The following RSPH6A variants were observed in gnomAD, a reference collection of about 807,000 sequenced individuals.
The protein encoded by RSPH6A is radial spoke head 6 homolog A, also known as radial spoke head protein 6 homolog A.
In RSPH6A, 49 loss-of-function variants were observed where a neutral mutation model predicts 66.1. That is an observed-to-expected ratio of 0.74 (90% CI 0.59 to 0.94). The LOEUF (loss-of-function observed/expected upper bound fraction) is 0.94. Ranked by LOEUF, RSPH6A falls within the 40% of genes least tolerant of loss-of-function variation. The pLI, the probability that RSPH6A is intolerant of heterozygous loss-of-function variation, is 0.00. For missense variants in RSPH6A, 977 were observed against 948.3 expected (o/e 1.03, Z -0.40); for synonymous variants, 419 against 402.4 (o/e 1.04, Z -0.49).
At chr19:45,797,580 C>A (rs1970421636) in intron 5 of RSPH6A, among the ~76,000 whole-genome samples, 1 of 151,494 alleles carries the variant, frequency 6.6e-6, no homozygotes, top group Non-Finnish European at 1.5e-5. Context: ...AGTAAACAAA[C>A]TAGACAAAAC....
chr19:45,806,836 CA>C (rs1197251136), intron 2 of RSPH6A, among the ~76,000 whole-genome samples: 1 of 151,962 alleles, frequency 6.6e-6, no homozygotes, highest in Non-Finnish European at 1.5e-5. Context: ...CATGTGGCCA[CA>C]AGGCTGTCCC....
At chr19:45,802,785 G>A (rs1663859562) in intron 3 of RSPH6A, among the ~76,000 whole-genome samples, 1 of 150,192 alleles carries the variant, frequency 6.7e-6, no homozygotes, top group African/African-American at 2.5e-5. Context: ...GGGATTACAG[G>A]TGCGAGCCAT....
At chr19:45,813,183 C>G (rs1970650439) in intron 1 of RSPH6A, among the ~76,000 whole-genome samples, 1 of 152,086 alleles carries the variant, frequency 6.6e-6, no homozygotes, top group African/African-American at 2.4e-5. Context: ...ACACACCAGC[C>G]CCTCCTTACT....
At chr19:45,800,420 C>T (rs1970455696) in intron 5 of RSPH6A, 26 bp downstream of exon 5, 2 of 1,596,942 alleles carry the variant, frequency 1.3e-6, no homozygotes, top group South Asian at 1.1e-5. Flanking sequence ...GATTCTCCTG[C>T]TGGGAGGGGC....
intron 1 of RSPH6A, 75 bp from the exon 2 acceptor site, chr19:45,810,915 G>T: frequency 1.6e-6 from 2 of 1,276,516 alleles, no homozygotes; most frequent in Non-Finnish European, 2.2e-6. Context: ...CATGTGCCTG[G>T]CCCTGTGCCT....
chr19:45,801,068 G>A (rs1970468595), intron 4 of RSPH6A, among the ~76,000 whole-genome samples: 2 of 152,162 alleles, frequency 1.3e-5, no homozygotes, highest in Non-Finnish European at 2.9e-5. Flanking sequence ...AAAGTGCTGG[G>A]ATTACAGGCG....
At chr19:45,799,253 C>T (rs1685643098) in intron 5 of RSPH6A, among the ~76,000 whole-genome samples, 1 of 144,972 alleles carries the variant, frequency 6.9e-6, no homozygotes, top group Non-Finnish European at 1.5e-5. Context: ...GCGGCAAACC[C>T]CCTGTCACGC....
chr19:45,809,903 G>C (rs1207919929), intron 2 of RSPH6A, among the ~76,000 whole-genome samples: 1 of 152,182 alleles, frequency 6.6e-6, no homozygotes, highest in Non-Finnish European at 1.5e-5. Flanking sequence ...TGCCTTGACA[G>C]AAAAAGAAAC....
chr19:45,801,437 A>G lies in RSPH6A; in HGVS notation c.1798+683T>C, dbSNP rs141896602. ...TTCCCTCCGGGTGCCTGAGGCCCCA[A>G]CCTTAAAAAATTCCTGTCCATTCAT... On this transcript the variant is annotated intron_variant, in intron 4 of 5. Transcript: ENST00000221538. Among the ~76,000 whole-genome samples, 427 of 152,186 alleles carry G rather than the reference A, an allele frequency of 2.8e-3. 1 individual carries two copies. Among genetic ancestry groups the G allele is most frequent in the African/African-American group, 9.5e-3 (395 of 41,532 alleles).
chr19:45,804,836 C>G lies in RSPH6A; in HGVS notation c.1069G>C (p.Val357Leu), dbSNP rs1654150593. 9.9e-6 allele frequency: 16 copies of G among 1,614,186 alleles called. No individual in the cohort carries two copies. The highest frequency in any genetic ancestry group is 1.3e-5 in the Non-Finnish European group (15 of 1,180,022). The change falls in exon 3 of 6, where the codon GTG (valine) becomes CTG (leucine). Residue 357 changes from valine to leucine, a missense_variant. Val to Leu is a conservative substitution (Grantham distance 32, BLOSUM62 1). Transcript: ENST00000221538. The surrounding 1 kb of genome is among the most constrained non-coding windows in gnomAD (Gnocchi z 5.8). ...KILGIKRSYL[V>L]AEVEFREGEE... is the part of the protein sequence containing the mutation. ...CCCTCCCGGAATTCCACCTCGGCCA[C>G]CAGGTAGCTGCGTTTGATTCCCAGG...
In RSPH6A at chr19:45,796,030, T is replaced by C. The variant is rs753513198; in HGVS notation, c.1993A>G (p.Ile665Val). 3.1e-6 allele frequency: 5 copies of C among 1,613,602 alleles called. No homozygotes were observed. The Admixed American group carries it at 8.3e-5, about 27-fold the overall frequency. Residue 665 changes from isoleucine to valine, a missense_variant, in exon 6 of 6, where the codon ATT becomes GTT. By Grantham distance (29) the Ile-to-Val change is conservative (BLOSUM62 3). Transcript: ENST00000221538. ...ESFNPALPAP[I>V]QQEYPSGPEI... The stretch of plus-strand genomic sequence containing the variant: ...GGGCCACTGGGGTACTCTTGTTGAA[T>C]GGGGGCTGGCAGGGCCGGGTTGAAG...
Position 45,795,803 on chromosome 19 carries a change from T to C in RSPH6A, c.*66A>G, listed in dbSNP as rs1185102087. The C allele has an allele frequency of 5.0e-6, 7 of 1,402,120 alleles. No homozygotes were observed. The Admixed American group carries it at 1.3e-4, about 26-fold the overall frequency. The allele number at this position is 1,402,120 out of a possible 1,614,324, so 86.9% of individuals were successfully genotyped here. On this transcript the variant is annotated 3_prime_UTR_variant, in exon 6 of 6. Coordinates refer to ENST00000221538, the MANE Select transcript of RSPH6A (RefSeq NM_030785.4). The stretch of plus-strand genomic sequence containing the variant: ...AAGCACATAGTGAAAATATAATCCA[T>C]GCTAACTACCTCTAAGGGGAAATTT...
In RSPH6A at chr19:45,800,567, T is replaced by C. The variant is rs1970458510; in HGVS notation, c.1799-4A>G. 1.2e-6 allele frequency: 2 copies of C among 1,608,540 alleles called. No homozygotes were observed. The highest frequency in any genetic ancestry group is 8.5e-7 in the Non-Finnish European group (1 of 1,177,510). On this transcript the variant is annotated splice_region_variant and splice_polypyrimidine_tract_variant and intron_variant, in intron 4 of 5. Coordinates refer to ENST00000221538, the MANE Select transcript of RSPH6A (RefSeq NM_030785.4). ...CAGGGTGCCAGGTGCATGATTTCTG[T>C]GGTGGAGAGGCAGCAGAGGGGGGCA...
At chr19:45,808,862 T>C (rs1452118584) in intron 2 of RSPH6A, among the ~76,000 whole-genome samples, 2 of 151,440 alleles carry the variant, frequency 1.3e-5, no homozygotes, top group Non-Finnish European at 2.9e-5. Flanking sequence ...AGACGGGGTT[T>C]CACCGTGTTA....
rs1385669144 is a variant in RSPH6A, at chr19:45,814,973, G to A, written c.204C>T (p.Asn68=). 3 of 1,613,924 alleles carry A rather than the reference G, an allele frequency of 1.9e-6. No individual in the cohort carries two copies. The highest frequency in any genetic ancestry group is 2.5e-6 in the Non-Finnish European group (3 of 1,180,058). Residue 68 remains asparagine (N), a synonymous_variant, in exon 1 of 6, where the codon AAC becomes AAT. Coordinates refer to ENST00000221538, the MANE Select transcript of RSPH6A (RefSeq NM_030785.4). ...CCTGGAAGACCTGGGGCATCAGCAA[G>A]TTCTCCTGTTGGGACAGGCTGCCCC... ...SQRGSLSQQE[N]LLMPQVFQAE...
chr19:45,814,591 C>G lies in RSPH6A; in HGVS notation c.586G>C (p.Glu196Gln). The G allele has an allele frequency of 6.4e-7, 1 of 1,560,044 alleles. No individual in the cohort carries two copies. Among genetic ancestry groups the G allele is most frequent in the South Asian group, 1.2e-5 (1 of 81,396 alleles). The change falls in exon 1 of 6, where the codon GAG becomes CAG. Residue 196 changes from glutamate to glutamine, a missense_variant. Glu to Gln is a conservative substitution (Grantham distance 29). Transcript: ENST00000221538. ...SAQVPEPEPLELAVQNAKAYL... is the reference protein window; with the variant it reads ...SAQVPEPEPLQLAVQNAKAYL... ...GCCTTGGCGTTCTGCACGGCCAGCTCCAGAGGCTCGGGCTCAGGCACCTGG... is the reference window on the plus strand; with the variant it reads ...GCCTTGGCGTTCTGCACGGCCAGCTGCAGAGGCTCGGGCTCAGGCACCTGG...
At position 45,802,265 on chromosome 19, in the gene RSPH6A, C is replaced by T; in HGVS notation, c.1654-1G>A. On this transcript the variant is annotated splice_acceptor_variant, in intron 3 of 5. Coordinates refer to ENST00000221538, the MANE Select transcript of RSPH6A (RefSeq NM_030785.4). LOFTEE classifies it high-confidence loss of function. Reference sequence around the variant, plus strand: ...AAGGGTTCACCCAAGTGCAGCGGCCCTGGGGGTGGGGGGAAGCTCAGGTGA... The same window carrying T: ...AAGGGTTCACCCAAGTGCAGCGGCCTTGGGGGTGGGGGGAAGCTCAGGTGA... 1 of 1,390,100 alleles carries T rather than the reference C, an allele frequency of 7.2e-7. No homozygotes were observed. Among genetic ancestry groups the T allele is most frequent in the Non-Finnish European group, 9.5e-7 (1 of 1,055,948 alleles). 86.1% of individuals were successfully genotyped at this position (1,390,100 alleles called of 1,614,324 possible). A position where few individuals can be genotyped will look rare whatever the true frequency, so the allele number is the denominator to read the frequency against.
In RSPH6A at chr19:45,804,402, C is replaced by T. The variant is rs746345498; in HGVS notation, c.1503G>A (p.Gln501=). The change falls in exon 3 of 6, where the codon CAG becomes CAA. Residue 501 remains glutamine (Q), a synonymous_variant. Coordinates refer to ENST00000221538, the MANE Select transcript of RSPH6A (RefSeq NM_030785.4). This position sits in a 1 kb window ranked among gnomAD's most constrained non-coding sequence, Gnocchi z 5.8. ...CCTCGTCGCCCTCCTCCTCACTAAA[C>T]TGGTAGAAGCCCAGCGGGCTGACCT... is the stretch of plus-strand genomic sequence containing the variant. ...ATQVSPLGFY[Q]FSEEEGDEEE... The T allele has an allele frequency of 2.5e-6, 4 of 1,614,148 alleles. No individual in the cohort carries two copies. The Admixed American group carries it at 6.7e-5, about 27-fold the overall frequency.
chr19:45,798,282 C>T (rs987512770), intron 5 of RSPH6A, among the ~76,000 whole-genome samples: 3 of 151,910 alleles, frequency 2.0e-5, no homozygotes, highest in African/African-American at 7.3e-5. Flanking sequence ...CGGCTTGAAC[C>T]TGGGAGGCGG....
Sources: allele counts gnomAD v4.1 joint callset (sites outside exome capture counted in the v4.1 genomes callset), GRCh38; gene constraint gnomAD v4.1.1; non-coding constraint Gnocchi (gnomAD v3.1); transcripts MANE v1.5; gene names NCBI Gene and HGNC (gene_info 2026-07-23, HGNC 2026-07-21).